JARID2: variants seen among roughly 807,000 people sequenced by gnomAD.
JARID2 encodes jumonji and AT-rich interaction domain containing 2, also known as protein Jumonji.
JARID2 carries 21 observed loss-of-function variants against 125.6 expected under a neutral mutation model. That is an observed-to-expected ratio of 0.17 (90% CI 0.12 to 0.24). The LOEUF (loss-of-function observed/expected upper bound fraction) is 0.24. Ranked by LOEUF, JARID2 falls within the 10% of genes least tolerant of loss-of-function variation. The pLI is 1.00. For synonymous variants in JARID2, 736 were observed against 661.6 expected (o/e 1.11, Z -1.73); for missense variants, 1,303 against 1,639.6 (o/e 0.79, Z 3.55).
intron 8 of JARID2, among the ~76,000 whole-genome samples, chr6:15,503,131 A>G (rs1770822291): frequency 6.6e-6 from 1 of 152,222 alleles, no homozygotes; most frequent in South Asian, 2.1e-4. Flanking sequence ...CGTGGTGGCC[A>G]TGGCGAAGCC....
chr6:15,400,771 T>C, intron 2 of JARID2: 2 of 984,622 alleles, frequency 2.0e-6, no homozygotes, highest in Non-Finnish European at 2.4e-6. Flanking sequence ...CCCCTCCCCC[T>C]CGGCCCCATT....
intron 6 of JARID2, among the ~76,000 whole-genome samples, chr6:15,491,997 C>G (rs1770172276): frequency 6.6e-6 from 1 of 152,260 alleles, no homozygotes; most frequent in Non-Finnish European, 1.5e-5. Flanking sequence ...CCGAACGTAA[C>G]TTGAAAATGC....
intron 2 of JARID2, among the ~76,000 whole-genome samples, chr6:15,393,716 A>ATACTGGTATAC: frequency 6.6e-6 from 1 of 152,336 alleles, no homozygotes; most frequent in East Asian, 1.9e-4. Flanking sequence ...CGAAATTGTT[A>ATACTGGTATAC]ACAGTGATTA....
At chr6:15,418,118 T>A (rs537861676) in intron 3 of JARID2, among the ~76,000 whole-genome samples, 9 of 152,214 alleles carry the variant, frequency 5.9e-5, no homozygotes, top group African/African-American at 1.9e-4. Flanking sequence ...GTGAGGAGAT[T>A]CCATCGTGGC....
intron 1 of JARID2, among the ~76,000 whole-genome samples, chr6:15,322,128 TG>T (rs1762381539): frequency 6.6e-6 from 1 of 152,146 alleles, no homozygotes; most frequent in Non-Finnish European, 1.5e-5. Context: ...AATGGGAGAA[TG>T]GGAAATCTGC....
In JARID2 at chr6:15,378,451, G is replaced by A. The variant is rs556809562; in HGVS notation, c.181+4199G>A. ...CCTCTGTGTCCTCTTTCATGCCTTCGAGGTTGGGGACAGTGACATGCCTCT... is the reference window on the plus strand; with the variant it reads ...CCTCTGTGTCCTCTTTCATGCCTTCAAGGTTGGGGACAGTGACATGCCTCT... On this transcript the variant is annotated intron_variant, in intron 2 of 17. Transcript: ENST00000341776. Among the ~76,000 whole-genome samples, 8 of 152,140 alleles carry A rather than the reference G, an allele frequency of 5.3e-5. 1 individual carries two copies. In the South Asian group the frequency reaches 8.3e-4, roughly 16 times the overall value.
chr6:15,272,857 T>C (rs1044800360), intron 1 of JARID2, among the ~76,000 whole-genome samples: 3 of 152,238 alleles, frequency 2.0e-5, no homozygotes, highest in African/African-American at 7.2e-5. Context: ...TTTGTTGTTA[T>C]GATTTTGTTT....
intron 1 of JARID2, among the ~76,000 whole-genome samples, chr6:15,303,025 A>G (rs1581389884): frequency 6.6e-6 from 1 of 152,298 alleles, no homozygotes; most frequent in East Asian, 1.9e-4. Flanking sequence ...CACCTGGCCC[A>G]GGTGGTTATT....
intron 3 of JARID2, among the ~76,000 whole-genome samples, chr6:15,435,714 T>C (rs891982574): frequency 6.6e-6 from 1 of 152,104 alleles, no homozygotes; most frequent in Admixed American, 6.5e-5. Flanking sequence ...TGCTACATTT[T>C]ATTTTTTTAA....
intron 6 of JARID2, among the ~76,000 whole-genome samples, chr6:15,490,688 C>T (rs1770109191): frequency 6.6e-6 from 1 of 152,244 alleles, no homozygotes; most frequent in Non-Finnish European, 1.5e-5. Flanking sequence ...CACCAAGGAG[C>T]AAATGGTGTT....
At chr6:15,277,666 C>T (rs1760580654) in intron 1 of JARID2, among the ~76,000 whole-genome samples, 1 of 151,736 alleles carries the variant, frequency 6.6e-6, no homozygotes, top group Non-Finnish European at 1.5e-5. Context: ...TTTGTTAATT[C>T]AGTAGCTGTT....
intron 1 of JARID2, among the ~76,000 whole-genome samples, chr6:15,368,546 A>T (rs1454776005): frequency 1.3e-5 from 2 of 152,108 alleles, no homozygotes; most frequent in Admixed American, 1.3e-4. Context: ...ATGTATATTT[A>T]ATTCTGGTTG....
chr6:15,337,566 A>T lies in JARID2; in HGVS notation c.46-36551A>T, dbSNP rs573789009. Among the ~76,000 whole-genome samples the T allele has an allele frequency of 1.2e-4, 18 of 152,258 alleles. No homozygotes were observed. In the South Asian group the frequency reaches 3.5e-3, roughly 30 times the overall value. ...ATGGGCACTTCTCGTCTGCCACACC[A>T]ATGGAACCCCTGCCCGAGGAATTCA... On this transcript the variant is annotated intron_variant, in intron 1 of 17. Transcript: ENST00000341776.
intron 1 of JARID2, among the ~76,000 whole-genome samples, chr6:15,335,466 C>T (rs1210566813): frequency 6.6e-6 from 1 of 152,182 alleles, no homozygotes; most frequent in Non-Finnish European, 1.5e-5. Flanking sequence ...GGCAGGTCAG[C>T]CTCCTATAGT....
At chr6:15,511,862 T>G (rs773864925) in intron 13 of JARID2, among the ~76,000 whole-genome samples, 24 of 152,202 alleles carry the variant, frequency 1.6e-4, no homozygotes, top group Non-Finnish European at 3.1e-4. Flanking sequence ...GGGACTCCTT[T>G]GTAAGCCCAG....
chr6:15,435,775 A>C (rs1446929693), intron 3 of JARID2, among the ~76,000 whole-genome samples: 1 of 152,108 alleles, frequency 6.6e-6, no homozygotes, highest in African/African-American at 2.4e-5. Context: ...TTAATAGTAT[A>C]AGCTGTTTGG....
chr6:15,494,625 G>A (rs747024786), intron 6 of JARID2, among the ~76,000 whole-genome samples: 1 of 152,042 alleles, frequency 6.6e-6, no homozygotes, highest in Non-Finnish European at 1.5e-5. Context: ...AGCCAGTATG[G>A]TGTCAATCTC....
At position 15,433,034 on chromosome 6, in the gene JARID2, A is replaced by G. The variant is rs114760711; in HGVS notation, c.324-18972A>G. Among the ~76,000 whole-genome samples, 432 of 152,344 alleles carry G rather than the reference A, an allele frequency of 2.8e-3. 1 individual carries two copies. Among genetic ancestry groups the G allele is most frequent in the Middle Eastern group, 0.014 (4 of 294 alleles). Reference sequence around the variant, plus strand: ...GTGGTGCCTGAGAATTTGCATTTCTAGTATGCTCCCAAGTGATTCTTTTGT... The same window carrying G: ...GTGGTGCCTGAGAATTTGCATTTCTGGTATGCTCCCAAGTGATTCTTTTGT... On this transcript the variant is annotated intron_variant, in intron 3 of 17. Coordinates refer to ENST00000341776, the MANE Select transcript of JARID2 (RefSeq NM_004973.4).
chr6:15,248,866 G>T (rs1020960835), intron 1 of JARID2: 80 of 980,188 alleles, frequency 8.2e-5, no homozygotes, highest in Non-Finnish European at 8.7e-5. Context: ...GGCGGGGGCG[G>T]GGGCTGCCGC....
Sources: gnomAD v4.1 joint callset for allele counts (sites outside exome capture counted in the v4.1 genomes callset) on GRCh38, gnomAD v4.1.1 for gene constraint, MANE v1.5 for transcripts, NCBI Gene and HGNC (gene_info 2026-07-23, HGNC 2026-07-21) for gene names.